Variants in NRL observed in about 807,000 individuals in gnomAD.
NRL encodes neural retina-specific leucine zipper protein.
NRL carries 16 observed loss-of-function variants against 12.5 expected under a neutral mutation model. That is an observed-to-expected ratio of 1.28 (90% CI 0.87 to 1.95). NRL has a LOEUF of 1.95. Ranked by LOEUF, NRL falls within the 30% of genes most tolerant of loss-of-function variation. The pLI, the probability that NRL is intolerant of heterozygous loss-of-function variation, is 0.00. For synonymous variants in NRL, 142 were observed against 150.9 expected (o/e 0.94, Z 0.43); for missense variants, 314 against 325.8 (o/e 0.96, Z 0.28).
At chr14:24,083,188 G>A (rs1253328418) in intron 1 of NRL, among the ~76,000 whole-genome samples, 1 of 152,198 alleles carries the variant, frequency 6.6e-6, no homozygotes, top group East Asian at 1.9e-4. Flanking sequence ...CCCTAGTGCT[G>A]AGACATGCCG....
intron 1 of NRL, chr14:24,099,055 C>A: frequency 6.3e-7 from 1 of 1,599,980 alleles, no homozygotes; most frequent in Non-Finnish European, 8.6e-7. Flanking sequence ...CCAGGGGAGC[C>A]AGTGAGCCAG....
intron 1 of NRL, chr14:24,099,340 G>C: frequency 8.3e-7 from 1 of 1,203,932 alleles, no homozygotes; most frequent in South Asian, 1.5e-5. Flanking sequence ...TGCCAGGCTG[G>C]TGGGCGGGGA....
At chr14:24,090,703 C>T (rs1158869881) in intron 1 of NRL, among the ~76,000 whole-genome samples, 3 of 152,184 alleles carry the variant, frequency 2.0e-5, no homozygotes, top group African/African-American at 7.2e-5. Flanking sequence ...CACACTCTGC[C>T]CCCTGGTGGT....
intron 1 of NRL, among the ~76,000 whole-genome samples, chr14:24,086,578 G>C (rs1182998851): frequency 6.6e-6 from 1 of 152,234 alleles, no homozygotes; most frequent in Non-Finnish European, 1.5e-5. Context: ...ATGGAATGTA[G>C]CTCTCCAAAG....
At chr14:24,097,389 GAA>G (rs529973280) in intron 1 of NRL, among the ~76,000 whole-genome samples, 10 of 118,654 alleles carry the variant, frequency 8.4e-5, no homozygotes, top group Non-Finnish European at 1.1e-4. Context: ...CGTCTCTACT[GAA>G]AAAAAAAAAA....
intron 1 of NRL, chr14:24,104,052 T>A: frequency 4.7e-6 from 4 of 853,120 alleles, no homozygotes; most frequent in Non-Finnish European, 7.7e-6. Flanking sequence ...AATTTGATAT[T>A]AACTAACATC....
rs1344757341 is a variant in NRL, at chr14:24,079,990, A to G, written c.*1246T>C. 2 of 152,216 alleles carry G rather than the reference A, an allele frequency of 1.3e-5. No homozygotes were observed. Among genetic ancestry groups the G allele is most frequent in the East Asian group, 1.9e-4 (1 of 5,188 alleles). The allele number at this position is 152,216 out of a possible 1,614,324, so 9.4% of individuals were successfully genotyped here. A position where few individuals can be genotyped will look rare whatever the true frequency, so the allele number is the denominator to read the frequency against. ...TCCACCCCATTTCCATTGGCTCTCC[A>G]TAACAGATGTGCCACCCAGCTCCAG... On this transcript the variant is annotated 3_prime_UTR_variant, in exon 3 of 3. Transcript: ENST00000561028.
rs572546598 is a variant in NRL, at chr14:24,079,649, GGA to G, written c.*1585_*1586del. Among the ~76,000 whole-genome samples the G allele has an allele frequency of 2.2e-3, 335 of 152,166 alleles. 2 individuals are homozygous for G. The highest frequency in any genetic ancestry group is 3.7e-3 in the Non-Finnish European group (251 of 67,992). On this transcript the variant is annotated 3_prime_UTR_variant, in exon 3 of 3. Transcript: ENST00000561028. Reference sequence around the variant, plus strand: ...GAGAAGAGACAGCTGGGGAGGGGGTGGAGAGAGGGGGTAGAAAGGAAGAGGGA... The same window carrying G: ...GAGAAGAGACAGCTGGGGAGGGGGTGGAGAGGGGGTAGAAAGGAAGAGGGA...
intron 1 of NRL, among the ~76,000 whole-genome samples, chr14:24,091,260 C>A (rs1223355715): frequency 6.6e-6 from 1 of 152,094 alleles, no homozygotes; most frequent in Non-Finnish European, 1.5e-5. Context: ...AAGCGATTCT[C>A]CTGCCTCAGC....
chr14:24,099,851 C>T, intron 1 of NRL: 4 of 1,542,532 alleles, frequency 2.6e-6, no homozygotes, highest in Non-Finnish European at 3.6e-6. Flanking sequence ...ATTCCTCTGG[C>T]AGCCCAGCCA....
intron 1 of NRL, chr14:24,103,189 T>C (rs1299774162): frequency 6.2e-7 from 1 of 1,614,006 alleles, no homozygotes; most frequent in Admixed American, 1.7e-5. Flanking sequence ...GGCCTTCAAC[T>C]GGCGTCATGG....
chr14:24,113,697 T>C (rs996515635), intron 1 of NRL, among the ~76,000 whole-genome samples: 5 of 152,242 alleles, frequency 3.3e-5, no homozygotes, highest in African/African-American at 1.2e-4. Context: ...CCATCAAAGC[T>C]AGCCCTGGTG....
intron 1 of NRL, among the ~76,000 whole-genome samples, chr14:24,112,289 T>G (rs2037432943): frequency 6.9e-6 from 1 of 144,754 alleles, no homozygotes; most frequent in Non-Finnish European, 1.5e-5. Context: ...GATATTGGTC[T>G]AAAATTCTCT....
intron 1 of NRL, among the ~76,000 whole-genome samples, chr14:24,090,638 C>G (rs553537213): frequency 6.6e-6 from 1 of 152,186 alleles, no homozygotes; most frequent in East Asian, 1.9e-4. Flanking sequence ...CATCACTACT[C>G]GGGCTGTGAG....
chr14:24,092,813 A>C (rs772722209), intron 1 of NRL, among the ~76,000 whole-genome samples: 1 of 152,226 alleles, frequency 6.6e-6, no homozygotes, highest in African/African-American at 2.4e-5. Flanking sequence ...GCAAGAGAAG[A>C]AATGCATCAA....
chr14:24,091,419 G>A (rs904358556), intron 1 of NRL, among the ~76,000 whole-genome samples: 10 of 152,166 alleles, frequency 6.6e-5, no homozygotes, highest in African/African-American at 2.4e-4. Context: ...GAAGTGCTCT[G>A]GAAACTTCAG....
chr14:24,099,108 G>T (rs200007127), intron 1 of NRL: 1 of 1,612,234 alleles, frequency 6.2e-7, no homozygotes, highest in South Asian at 1.1e-5. Context: ...CCACGTGCCC[G>T]ACCAGCGGGA....
intron 1 of NRL, chr14:24,098,200 C>A: frequency 6.3e-7 from 1 of 1,591,200 alleles, no homozygotes; most frequent in South Asian, 1.1e-5. Context: ...CCCTCTCCCC[C>A]AGCTGGCTGG....
chr14:24,111,762 A>T (rs1284299479), intron 1 of NRL, among the ~76,000 whole-genome samples: 2 of 150,664 alleles, frequency 1.3e-5, no homozygotes, highest in East Asian at 3.9e-4. Context: ...TTTCTAGATA[A>T]ACAATCATGT....
Sources: allele counts gnomAD v4.1 joint callset (sites outside exome capture counted in the v4.1 genomes callset), GRCh38; gene constraint gnomAD v4.1.1; transcripts MANE v1.5; gene names NCBI Gene and HGNC (gene_info 2026-07-23, HGNC 2026-07-21).